Variants in LRRC49 observed in about 807,000 individuals in gnomAD.
LRRC49 encodes the protein leucine-rich repeat-containing protein 49.
LRRC49 carries 50 observed loss-of-function variants against 83.3 expected under a neutral mutation model. That is an observed-to-expected ratio of 0.60 (90% CI 0.48 to 0.76). The LOEUF is 0.76. Ranked by LOEUF, LRRC49 falls within the 30% of genes least tolerant of loss-of-function variation. The pLI is 0.00. For missense variants in LRRC49, 704 were observed against 809.1 expected (o/e 0.87, Z 1.58); for synonymous variants, 286 against 283.3 (o/e 1.01, Z -0.10).
At chr15:71,021,286 T>C (rs372631874) in intron 14 of LRRC49, among the ~76,000 whole-genome samples, 9 of 152,234 alleles carry the variant, frequency 5.9e-5, no homozygotes, top group African/African-American at 2.2e-4. Context: ...TAGGACCTCG[T>C]ATTATCTGGG....
chr15:70,878,282 T>C (rs1019851265), intron 2 of LRRC49, among the ~76,000 whole-genome samples: 4 of 152,242 alleles, frequency 2.6e-5, no homozygotes, highest in Non-Finnish European at 5.9e-5. Context: ...GCATATTTGG[T>C]TTGCTAAACT....
At chr15:70,966,365 A>G (rs1367721010) in intron 9 of LRRC49, among the ~76,000 whole-genome samples, 1 of 152,074 alleles carries the variant, frequency 6.6e-6, no homozygotes. Context: ...TAGTAGCTCA[A>G]ATAGTTTACC....
chr15:70,874,060 A>C lies in LRRC49; in HGVS notation c.18+837A>C, dbSNP rs28419220. Reference sequence around the variant, plus strand: ...GTAAACCAGTGTGTGAATGTCATTTAGTCCAGCTAGGGAACCTTCTGTTTG... The same window carrying C: ...GTAAACCAGTGTGTGAATGTCATTTCGTCCAGCTAGGGAACCTTCTGTTTG... On this transcript the variant is annotated intron_variant, in intron 2 of 16. Coordinates refer to the LRRC49 transcript ENST00000544974. Among the ~76,000 whole-genome samples, 1,334 of 152,272 alleles carry C rather than the reference A, an allele frequency of 8.8e-3. 23 individuals are homozygous for C. Among genetic ancestry groups the C allele is most frequent in the African/African-American group, 0.031 (1,280 of 41,552 alleles).
chr15:70,913,889 T>C, intron 6 of LRRC49, among the ~76,000 whole-genome samples: 1 of 152,138 alleles, frequency 6.6e-6, no homozygotes, highest in East Asian at 1.9e-4. Flanking sequence ...ATTTGATCTG[T>C]ACCTTATGTA....
At chr15:70,861,786 A>T (rs1297161219) in intron 1 of LRRC49, among the ~76,000 whole-genome samples, 1 of 152,160 alleles carries the variant, frequency 6.6e-6, no homozygotes, top group East Asian at 1.9e-4. Context: ...TTAGCCGGGC[A>T]TGGTGGTGTG....
chr15:70,875,502 G>GT (rs1264959853), intron 2 of LRRC49, among the ~76,000 whole-genome samples: 2 of 152,098 alleles, frequency 1.3e-5, no homozygotes, highest in Non-Finnish European at 2.9e-5. Flanking sequence ...TGAGGGAACG[G>GT]CCCAAAAAGG....
intron 8 of LRRC49, among the ~76,000 whole-genome samples, chr15:70,942,033 ATGTGTGTGTGTGTG>A (rs34818331): frequency 2.8e-5 from 4 of 144,086 alleles, no homozygotes; most frequent in Non-Finnish European, 3.0e-5. Context: ...TGTAAAGGTT[ATGTGTGTGTGTGTG>A]TGTGTGTGTG....
intron 14 of LRRC49, among the ~76,000 whole-genome samples, chr15:71,027,720 C>T (rs1195116388): frequency 6.6e-6 from 1 of 152,132 alleles, no homozygotes; most frequent in Non-Finnish European, 1.5e-5. Context: ...AATGGTAGTT[C>T]ACTCATGATT....
At chr15:71,022,625 C>T (rs1345517160) in intron 14 of LRRC49, among the ~76,000 whole-genome samples, 2 of 152,128 alleles carry the variant, frequency 1.3e-5, no homozygotes, top group African/African-American at 2.4e-5. Flanking sequence ...ATAATAGGTT[C>T]AGTTCACTAG....
chr15:70,975,283 A>G (rs1376687416), intron 9 of LRRC49, among the ~76,000 whole-genome samples: 1 of 152,168 alleles, frequency 6.6e-6, no homozygotes, highest in Non-Finnish European at 1.5e-5. Flanking sequence ...AAAAAGAGAG[A>G]ACAGACACAT....
intron 1 of LRRC49, among the ~76,000 whole-genome samples, chr15:70,861,630 A>G (rs2032792359): frequency 6.6e-6 from 1 of 152,114 alleles, no homozygotes; most frequent in Admixed American, 6.5e-5. Flanking sequence ...CTCTCATAAT[A>G]TTAATTTCTT....
chr15:70,892,319 C>T (rs1176429286), upstream of LRRC49: 2 of 1,550,082 alleles, frequency 1.3e-6, no homozygotes, highest in Non-Finnish European at 1.7e-6. Context: ...GGACCTTCGC[C>T]CTTGGGCACG....
chr15:70,946,565 A>T (rs1392513122), intron 8 of LRRC49, among the ~76,000 whole-genome samples: 1 of 152,192 alleles, frequency 6.6e-6, no homozygotes, highest in Non-Finnish European at 1.5e-5. Flanking sequence ...GAGTACAGAT[A>T]CGTTTTCAAC....
At chr15:70,892,691 C>G (rs1170568557), upstream of LRRC49, 1 of 1,457,332 alleles carries the variant, frequency 6.9e-7, no homozygotes, top group Non-Finnish European at 9.0e-7. Context: ...AGTGGTGACG[C>G]ACTGGGCTCT....
chr15:70,984,325 C>T, intron 11 of LRRC49, 68 bp downstream of exon 11: 1 of 1,303,356 alleles, frequency 7.7e-7, no homozygotes, highest in Non-Finnish European at 1.0e-6. Flanking sequence ...GAATTAGAAA[C>T]CATTTTACAT....
chr15:70,872,988 C>A lies in LRRC49; in HGVS notation c.-218C>A, dbSNP rs552193332. ...GCAACCTCCACCTCCCAGGTTCAAG[C>A]AATTCTCTGCCTCAGCATCCCGAGT... On this transcript the variant is annotated 5_prime_UTR_variant, in exon 2 of 17. Transcript: ENST00000544974. 1.7e-4 allele frequency: 89 copies of A among 531,424 alleles called. 1 individual carries two copies. The South Asian group carries it at 1.7e-3, about 10-fold the overall frequency. The allele number at this position is 531,424 out of a possible 1,614,324, so 32.9% of individuals were successfully genotyped here.
intron 12 of LRRC49, among the ~76,000 whole-genome samples, chr15:71,008,879 A>G (rs1458044480): frequency 6.6e-6 from 1 of 151,932 alleles, no homozygotes; most frequent in African/African-American, 2.4e-5. Context: ...TTCAAGTTAT[A>G]TATTTCTACT....
rs957704670 is a variant in LRRC49, at chr15:70,894,457, T to C, written c.105+817T>C. ...TTACGATATGAATATGAGATTTTTT[T>C]CCCCAAGATTATTTCCCCATAATGT... is the stretch of plus-strand genomic sequence containing the variant. On this transcript the variant is annotated intron_variant, in intron 2 of 15. Transcript: ENST00000260382. The C allele has an allele frequency of 2.4e-5, 8 of 338,068 alleles. No individual in the cohort carries two copies. In the Admixed American group the frequency reaches 3.6e-4, roughly 15 times the overall value. The allele number at this position is 338,068 out of a possible 1,614,324, so 20.9% of individuals were successfully genotyped here.
intron 7 of LRRC49, among the ~76,000 whole-genome samples, chr15:70,925,451 T>G (rs2035160945): frequency 6.6e-6 from 1 of 152,138 alleles, no homozygotes; most frequent in Admixed American, 6.6e-5. Context: ...GAAGCTGTAT[T>G]ACATTTGTTA....
Sources: gnomAD v4.1 joint callset for allele counts (sites outside exome capture counted in the v4.1 genomes callset) on GRCh38, gnomAD v4.1.1 for gene constraint, MANE v1.5 for transcripts, NCBI Gene and HGNC (gene_info 2026-07-23, HGNC 2026-07-21) for gene names.